The following TMEM114 variants were observed in gnomAD, a reference collection of about 807,000 sequenced individuals.
The protein encoded by TMEM114 is claudin-26.
TMEM114 carries 6 observed loss-of-function variants against 6.2 expected under a neutral mutation model. The observed-to-expected ratio is 0.97, with a 90% CI of 0.53 to 1.91. TMEM114 has a LOEUF of 1.91. Among genes scored for constraint, TMEM114 ranks in the 40% most tolerant of loss-of-function variants. TMEM114 has a pLI of 0.01. For synonymous variants in TMEM114, 104 were observed against 73.0 expected (o/e 1.42, Z -2.16); for missense variants, 218 against 158.3 (o/e 1.38, Z -2.02).
intron 3 of TMEM114, among the ~76,000 whole-genome samples, chr16:8,570,781 G>A (rs1007792564): frequency 1.3e-5 from 2 of 152,118 alleles, no homozygotes; most frequent in African/African-American, 4.8e-5. Flanking sequence ...ACATGGTCCA[G>A]TACGATAGCC....
chr16:8,537,385 C>T (rs1900391484), downstream of TMEM114, among the ~76,000 whole-genome samples: 1 of 152,138 alleles, frequency 6.6e-6, no homozygotes. Context: ...CCTGTAGTCC[C>T]AGCTACTTGG....
intron 2 of TMEM114, among the ~76,000 whole-genome samples, chr16:8,551,828 T>G (rs370886193): frequency 6.6e-6 from 1 of 152,184 alleles, no homozygotes; most frequent in Non-Finnish European, 1.5e-5. Flanking sequence ...TGTGCAAAAC[T>G]GAGAGCCACC....
chr16:8,541,125 C>T (rs1451818169), intron 2 of TMEM114, among the ~76,000 whole-genome samples: 4 of 152,088 alleles, frequency 2.6e-5, no homozygotes, highest in African/African-American at 7.2e-5. Context: ...ATATATTGAA[C>T]TCTTGCTATA....
downstream of TMEM114, among the ~76,000 whole-genome samples, chr16:8,536,830 C>G (rs1388175949): frequency 6.6e-6 from 1 of 152,090 alleles, no homozygotes; most frequent in Admixed American, 6.5e-5. Context: ...AAAGGCAGAG[C>G]AGGTGTGAAG....
chr16:8,589,577 G>T lies in TMEM114; in HGVS notation c.220+42C>A, dbSNP rs1020387104. ...AAGGGAGCAGGGCACCGCGCAGGGG[G>T]CGTTCGCAGCCACAGCTCCCAGCCA... On this transcript the variant is annotated intron_variant, in intron 1 of 3. Transcript: ENST00000620492. 189 of 398,512 alleles carry T rather than the reference G, an allele frequency of 4.7e-4. 1 individual carries two copies. The highest frequency in any genetic ancestry group is 3.4e-3 in the African/African-American group (164 of 48,748). 24.7% of individuals were successfully genotyped at this position (398,512 alleles called of 1,614,324 possible).
the TMEM114 span, among the ~76,000 whole-genome samples, chr16:8,532,246 G>T: frequency 3.3e-5 from 5 of 152,170 alleles, no homozygotes; most frequent in Non-Finnish European, 7.3e-5. Flanking sequence ...AAAATTAAAT[G>T]AACGTAACTC....
intron 2 of TMEM114, among the ~76,000 whole-genome samples, chr16:8,588,494 C>G (rs1902384317): frequency 6.6e-6 from 1 of 152,186 alleles, no homozygotes; most frequent in Non-Finnish European, 1.5e-5. Flanking sequence ...TCTGGCTTAT[C>G]TCAAGCCTCA....
At chr16:8,531,973 C>T in the TMEM114 span, 3 of 152,174 alleles carry the variant, frequency 2.0e-5, no homozygotes, top group African/African-American at 7.2e-5. Flanking sequence ...ACAGCTCTAG[C>T]TGTTTTTGTT....
downstream of TMEM114, among the ~76,000 whole-genome samples, chr16:8,533,596 G>C (rs568415019): frequency 6.6e-6 from 1 of 152,204 alleles, no homozygotes; most frequent in Non-Finnish European, 1.5e-5. Flanking sequence ...CAACCAAGTG[G>C]ATGCTTTATG....
At chr16:8,559,004 A>C (rs1346326757) in intron 2 of TMEM114, among the ~76,000 whole-genome samples, 1 of 149,540 alleles carries the variant, frequency 6.7e-6, no homozygotes, top group Non-Finnish European at 1.5e-5. Context: ...CAGCCTCCCA[A>C]AGTGCTGGGA....
At chr16:8,548,909 G>A (rs556505002) in intron 2 of TMEM114, among the ~76,000 whole-genome samples, 7 of 152,244 alleles carry the variant, frequency 4.6e-5, no homozygotes, top group African/African-American at 1.4e-4. Context: ...CTCGCCAGGC[G>A]CAGTGGCTCA....
rs541978403 is a variant in TMEM114, at chr16:8,562,162, T to C, written n.213-24336A>G. Among the ~76,000 whole-genome samples, 58 of 113,794 alleles carry C rather than the reference T, an allele frequency of 5.1e-4. 1 individual carries two copies. The highest frequency in any genetic ancestry group is 7.2e-3 in the Middle Eastern group (1 of 138). 74.7% of individuals were successfully genotyped at this position (113,794 alleles called of 152,430 possible). A position where few individuals can be genotyped will look rare whatever the true frequency, so the allele number is the denominator to read the frequency against. The stretch of plus-strand genomic sequence containing the variant: ...TGAGTGAGTTAGTGAATAAGTGAGT[T>C]AGTGAATGAGTGAATGAGTCAGTGA... On this transcript the variant is annotated intron_variant and non_coding_transcript_variant, in intron 2 of 2. Coordinates refer to the TMEM114 transcript ENST00000623677.
intron 3 of TMEM114, 42 bp from the exon 4 acceptor site, chr16:8,570,047 C>T (rs1456451722): frequency 1.3e-6 from 2 of 1,516,930 alleles, no homozygotes; most frequent in Admixed American, 2.0e-5. Flanking sequence ...TCCCCCACCC[C>T]GCCCCAGCAC....
chr16:8,527,553 AT>A, the TMEM114 span, among the ~76,000 whole-genome samples: 1 of 152,144 alleles, frequency 6.6e-6, no homozygotes, highest in African/African-American at 2.4e-5. Context: ...ATTTTTTTTA[AT>A]CATGGAATTT....
intron 3 of TMEM114, 39 bp from the exon 4 acceptor site, chr16:8,570,044 C>T (rs1157302019): frequency 2.0e-6 from 3 of 1,520,846 alleles, no homozygotes; most frequent in African/African-American, 1.4e-5. Flanking sequence ...CAATCCCCCA[C>T]CCCGCCCCAG....
intron 2 of TMEM114, among the ~76,000 whole-genome samples, chr16:8,543,869 C>T (rs562039983): frequency 2.3e-4 from 35 of 152,278 alleles, no homozygotes; most frequent in South Asian, 6.2e-4. Flanking sequence ...AGTAACCTAA[C>T]GCTTTGTCAA....
chr16:8,550,435 C>A (rs998703906), intron 2 of TMEM114, among the ~76,000 whole-genome samples: 1 of 152,082 alleles, frequency 6.6e-6, no homozygotes, highest in African/African-American at 2.4e-5. Flanking sequence ...AATTCCAGCA[C>A]TTTGGGAGGC....
chr16:8,562,414 GA>G lies in TMEM114; in HGVS notation n.213-24589del, dbSNP rs1211759043. On this transcript the variant is annotated intron_variant and non_coding_transcript_variant, in intron 2 of 2. Coordinates refer to the TMEM114 transcript ENST00000623677. ...TGAGTGAGTGAGTGAATGAGTAAATGAGTGAGTGAATAAGTGAGTGAGTGAA... is the reference window on the plus strand; with the variant it reads ...TGAGTGAGTGAGTGAATGAGTAAATGGTGAGTGAATAAGTGAGTGAGTGAA... Among the ~76,000 whole-genome samples, 5 of 151,270 alleles carry G rather than the reference GA, an allele frequency of 3.3e-5. No individual in the cohort carries two copies. The East Asian group carries it at 9.7e-4, about 29-fold the overall frequency.
At chr16:8,542,533 T>C (rs991379011) in intron 2 of TMEM114, among the ~76,000 whole-genome samples, 1 of 152,342 alleles carries the variant, frequency 6.6e-6, no homozygotes, top group East Asian at 1.9e-4. Context: ...TCAAAAATTC[T>C]AAATATGTAA....
Sources: allele counts gnomAD v4.1 joint callset (sites outside exome capture counted in the v4.1 genomes callset), GRCh38; gene constraint gnomAD v4.1.1; transcripts MANE v1.5; gene names NCBI Gene and HGNC (gene_info 2026-07-23, HGNC 2026-07-21).